The following SLC24A2 variants were observed in gnomAD, a reference collection of about 807,000 sequenced individuals.
The protein encoded by SLC24A2 is sodium/potassium/calcium exchanger 2.
A neutral mutation model predicts 62.0 loss-of-function variants in SLC24A2; 36 were observed. The ratio of observed to expected loss-of-function variants is 0.58; its 90% confidence interval spans 0.44 to 0.77. SLC24A2 has a LOEUF of 0.77. Among genes scored for constraint, SLC24A2 ranks in the 30% least tolerant of loss-of-function variants. The probability of loss-of-function intolerance (pLI) is 0.00; values close to 1 mark genes in which losing one functional copy is unlikely to be tolerated. For missense variants in SLC24A2, 846 were observed against 817.9 expected (o/e 1.03, Z -0.42); for synonymous variants, 358 against 294.0 (o/e 1.22, Z -2.23).
the SLC24A2 span, among the ~76,000 whole-genome samples, chr9:20,175,031 A>G: frequency 2.6e-5 from 4 of 151,100 alleles, no homozygotes; most frequent in Non-Finnish European, 5.9e-5. Context: ...ATATATATAT[A>G]TATGATGGAC....
chr9:19,663,446 C>T (rs1307286544), intron 2 of SLC24A2, among the ~76,000 whole-genome samples: 2 of 152,160 alleles, frequency 1.3e-5, no homozygotes, highest in Non-Finnish European at 2.9e-5. Flanking sequence ...GCAGTCCCCC[C>T]ACCAGCAGAG....
intron 2 of SLC24A2, among the ~76,000 whole-genome samples, chr9:19,718,989 T>A (rs1407799651): frequency 6.6e-6 from 1 of 152,192 alleles, no homozygotes; most frequent in Non-Finnish European, 1.5e-5. Context: ...CAATAAGCTG[T>A]CACACTGAAT....
chr9:20,269,889 C>A, the SLC24A2 span, among the ~76,000 whole-genome samples: 6 of 152,168 alleles, frequency 3.9e-5, no homozygotes, highest in Admixed American at 6.5e-5. Flanking sequence ...AACAGAATAC[C>A]TGAGCCTGAG....
the SLC24A2 span, among the ~76,000 whole-genome samples, chr9:20,255,022 G>T: frequency 0.11 from 16,858 of 152,100 alleles, 1,050 homozygotes; most frequent in Middle Eastern, 0.15. Context: ...CCTCCTACAA[G>T]GTCCTTCCCA....
chr9:19,899,105 A>C, the SLC24A2 span, among the ~76,000 whole-genome samples: 2 of 152,118 alleles, frequency 1.3e-5, no homozygotes, highest in African/African-American at 4.8e-5. Context: ...GCCTCACATG[A>C]AAATAAAGTT....
At chr9:20,216,877 G>C in the SLC24A2 span, among the ~76,000 whole-genome samples, 1 of 152,104 alleles carries the variant, frequency 6.6e-6, no homozygotes, top group Non-Finnish European at 1.5e-5. Context: ...TTTTTCCCAA[G>C]GCAGAGAGAG....
At chr9:19,947,188 T>C in the SLC24A2 span, among the ~76,000 whole-genome samples, 3,920 of 152,290 alleles carry the variant, frequency 0.026, 72 homozygotes, top group South Asian at 0.038. Flanking sequence ...TCACTGATTA[T>C]TGAGAAAGCT....
At chr9:20,069,241 G>A in the SLC24A2 span, among the ~76,000 whole-genome samples, 1 of 152,150 alleles carries the variant, frequency 6.6e-6, no homozygotes, top group Non-Finnish European at 1.5e-5. Context: ...CATATGCACA[G>A]AATTACATCG....
At chr9:19,887,895 C>T in the SLC24A2 span, among the ~76,000 whole-genome samples, 5 of 152,156 alleles carry the variant, frequency 3.3e-5, no homozygotes, top group African/African-American at 1.2e-4. Context: ...AGTGAAGTAA[C>T]TCAGGAATGG....
chr9:19,636,315 T>TTTCTTTCTCTCTCTTTCTTTC (rs1554690361), intron 2 of SLC24A2, among the ~76,000 whole-genome samples: 2 of 40,328 alleles, frequency 5.0e-5, no homozygotes, highest in African/African-American at 2.3e-4. Flanking sequence ...TTTTCTTTTC[T>TTTCTTTCTCTCTCTTTCTTTC]TTTCTTTCTT....
At chr9:19,881,537 G>C in the SLC24A2 span, among the ~76,000 whole-genome samples, 2 of 152,162 alleles carry the variant, frequency 1.3e-5, no homozygotes, top group African/African-American at 4.8e-5. Flanking sequence ...CTAGAATTCT[G>C]ATTATTTTGG....
At chr9:19,847,363 C>G in the SLC24A2 span, among the ~76,000 whole-genome samples, 1 of 152,094 alleles carries the variant, frequency 6.6e-6, no homozygotes, top group Non-Finnish European at 1.5e-5. Context: ...TCAGATAATG[C>G]AAACCATATA....
At chr9:19,927,884 G>A in the SLC24A2 span, 1 of 152,362 alleles carries the variant, frequency 6.6e-6, no homozygotes, top group Non-Finnish European at 1.5e-5. Flanking sequence ...CCAAACCAAA[G>A]CTCCCTCCCT....
In SLC24A2 at chr9:19,672,050, A is replaced by C. The variant is rs1000769597; in HGVS notation, c.931-49751T>G. 3.1e-4 allele frequency among the ~76,000 whole-genome samples: 45 copies of C among 146,196 alleles called. 6 individuals carry two copies. The highest frequency in any genetic ancestry group is 1.2e-3 in the African/African-American group (45 of 36,972). ...TACGTCCTTTCCTGGCTTTGGTATT[A>C]GGGTGATACCGGCTTCACAGAATGA... is the stretch of plus-strand genomic sequence containing the variant. On this transcript the variant is annotated intron_variant, in intron 2 of 10. Coordinates refer to ENST00000341998, the MANE Select transcript of SLC24A2 (RefSeq NM_020344.4).
chr9:20,298,754 T>C, the SLC24A2 span, among the ~76,000 whole-genome samples: 2 of 152,258 alleles, frequency 1.3e-5, no homozygotes, highest in African/African-American at 2.4e-5. Flanking sequence ...AAGATACAAC[T>C]ACTATCTTCA....
chr9:19,907,618 C>A, the SLC24A2 span, among the ~76,000 whole-genome samples: 6 of 152,314 alleles, frequency 3.9e-5, no homozygotes, highest in East Asian at 1.9e-4. Context: ...TGATAGGCAA[C>A]TTCAGCAAAG....
chr9:19,569,974 G>C (rs780355896), intron 7 of SLC24A2, among the ~76,000 whole-genome samples: 3 of 152,276 alleles, frequency 2.0e-5, no homozygotes, highest in Admixed American at 6.5e-5. Flanking sequence ...ACTCACAGGA[G>C]CCTCTCCATT....
chr9:20,052,862 C>CA, the SLC24A2 span, among the ~76,000 whole-genome samples: 1 of 152,118 alleles, frequency 6.6e-6, no homozygotes, highest in Non-Finnish European at 1.5e-5. Flanking sequence ...CCTGGGGCAT[C>CA]AAAAACAGCT....
intron 8 of SLC24A2, among the ~76,000 whole-genome samples, chr9:19,529,785 C>G (rs1364344162): frequency 6.8e-6 from 1 of 147,512 alleles, no homozygotes; most frequent in African/African-American, 2.5e-5. Context: ...GAGTCTCACT[C>G]GGTCACCCAG....
Sources: allele counts gnomAD v4.1 joint callset (sites outside exome capture counted in the v4.1 genomes callset), GRCh38; gene constraint gnomAD v4.1.1; transcripts MANE v1.5; gene names NCBI Gene and HGNC (gene_info 2026-07-23, HGNC 2026-07-21).